LNX2: variants seen among roughly 807,000 people sequenced by gnomAD.
LNX2 encodes ligand of Numb protein X 2.
A neutral mutation model predicts 66.2 loss-of-function variants in LNX2; 35 were observed. The ratio of observed to expected loss-of-function variants is 0.53; its 90% CI spans 0.40 to 0.70. The LOEUF (loss-of-function observed/expected upper bound fraction) is 0.70, where lower values mean the gene tolerates loss of function less well. Ranked by LOEUF, LNX2 falls within the 30% of genes least tolerant of loss-of-function variation. The pLI is 0.00. For missense variants in LNX2, 791 were observed against 850.8 expected, an observed-to-expected ratio of 0.93 and a Z score of 0.87; for synonymous variants, 337 against 315.6, an observed-to-expected ratio of 1.07 and a Z score of -0.72.
At chr13:27,592,787 G>A (rs1053231117) in intron 1 of LNX2, among the ~76,000 whole-genome samples, 1 of 152,166 alleles carries the variant, frequency 6.6e-6, no homozygotes, top group Non-Finnish European at 1.5e-5. Context: ...AGAGAAAGCA[G>A]ATAAAGAAAA....
At chr13:27,583,336 C>T (rs531603226) in intron 1 of LNX2, among the ~76,000 whole-genome samples, 2 of 150,820 alleles carry the variant, frequency 1.3e-5, no homozygotes, top group African/African-American at 4.9e-5. Context: ...TGGCTCACTG[C>T]GACCTCTGCC....
At chr13:27,594,513 G>C (rs1232924034) in intron 1 of LNX2, among the ~76,000 whole-genome samples, 1 of 151,898 alleles carries the variant, frequency 6.6e-6, no homozygotes, top group Non-Finnish European at 1.5e-5. Context: ...ATAAAGATTT[G>C]CCTCTATTTT....
At chr13:27,552,133 A>G (rs1566114151) in intron 8 of LNX2, among the ~76,000 whole-genome samples, 1 of 152,256 alleles carries the variant, frequency 6.6e-6, no homozygotes. Flanking sequence ...CTGGCACACC[A>G]GAAAATGCTC....
Position 27,581,707 on chromosome 13 carries a change from G to C in LNX2, c.-4C>G, listed in dbSNP as rs371220327. ...TCTCATCACTTGTTGTTCCCATTTT[G>C]AATCAATTCTGTATCCTCATGTGTT... On this transcript the variant is annotated 5_prime_UTR_variant, in exon 2 of 10. Transcript: ENST00000316334. The C allele has an allele frequency of 1.9e-6, 3 of 1,590,566 alleles. No homozygotes were observed. The East Asian group carries it at 6.7e-5, about 36-fold the overall frequency.
At chr13:27,596,292 TAA>T (rs1269633328) in intron 1 of LNX2, among the ~76,000 whole-genome samples, 1 of 152,122 alleles carries the variant, frequency 6.6e-6, no homozygotes, top group Non-Finnish European at 1.5e-5. Context: ...ATAAAAACTA[TAA>T]AAAGTTAAAA....
In LNX2 at chr13:27,556,300, C is replaced by T; in HGVS notation, c.1482G>A (p.Leu494=). 2 of 1,613,966 alleles carry T rather than the reference C, an allele frequency of 1.2e-6. No individual in the cohort carries two copies. Among genetic ancestry groups the T allele is most frequent in the African/African-American group, 1.3e-5 (1 of 75,010 alleles). Residue 494 remains leucine, a synonymous_variant, in exon 7 of 10, where the codon CTG becomes CTA. Coordinates refer to ENST00000316334, the MANE Select transcript of LNX2 (RefSeq NM_153371.4). ...AGGRGSKSGE[L]PIFVTSVPPH... ...GTGGCACACTGGTCACAAAGATGGG[C>T]AGCTCACCACTCTTACTTCCCCTGC...
intron 1 of LNX2, among the ~76,000 whole-genome samples, chr13:27,587,706 C>T (rs1319018669): frequency 6.6e-6 from 1 of 152,198 alleles, no homozygotes; most frequent in Non-Finnish European, 1.5e-5. Context: ...CACATATCAG[C>T]TTTGATAGCT....
At chr13:27,562,882 A>G (rs1955154894) in intron 4 of LNX2, 101 bp from the exon 5 acceptor site, 26 of 1,209,484 alleles carry the variant, frequency 2.1e-5, no homozygotes, top group Non-Finnish European at 2.3e-5. Flanking sequence ...GTATTGTGAG[A>G]GTGCTAAGTA....
At chr13:27,606,307 C>T (rs549347309) in intron 1 of LNX2, among the ~76,000 whole-genome samples, 24 of 150,568 alleles carry the variant, frequency 1.6e-4, no homozygotes, top group Non-Finnish European at 3.2e-4. Context: ...CATGAAGATG[C>T]CCAGATTAAT....
chr13:27,573,224 TG>T, intron 2 of LNX2, among the ~76,000 whole-genome samples: 1 of 152,274 alleles, frequency 6.6e-6, no homozygotes, highest in African/African-American at 2.4e-5. Flanking sequence ...TGGCAGACAC[TG>T]GAAGAGCAGA....
intron 1 of LNX2, among the ~76,000 whole-genome samples, chr13:27,611,974 G>T (rs1356365942): frequency 6.6e-6 from 1 of 152,200 alleles, no homozygotes; most frequent in Non-Finnish European, 1.5e-5. Context: ...ACATAGAAAA[G>T]AAGGGAGTTA....
rs1212537692 is a variant in LNX2 at position 27,583,230 on chromosome 13, G to GCGCGCGCGTCCTCTCCTATATAAC, written c.-100-1428_-100-1427insGTTATATAGGAGAGGACGCGCGCG. Among the ~76,000 whole-genome samples the GCGCGCGCGTCCTCTCCTATATAAC allele has an allele frequency of 4.6e-3, 111 of 24,086 alleles. 19 individuals are homozygous for GCGCGCGCGTCCTCTCCTATATAAC. Among genetic ancestry groups the GCGCGCGCGTCCTCTCCTATATAAC allele is most frequent in the African/African-American group, 0.013 (53 of 4,004 alleles). The allele number at this position is 24,086 out of a possible 152,430, so 15.8% of individuals were successfully genotyped here. ...TGTGTGTGTGTGTGTGTGTGTGTGTGTGTGTGTGTGTGTGTGTGTGTGTGT... is the reference window on the plus strand; with the variant it reads ...TGTGTGTGTGTGTGTGTGTGTGTGTGCGCGCGCGTCCTCTCCTATATAACTGTGTGTGTGTGTGTGTGTGTGTGT... On this transcript the variant is annotated intron_variant, in intron 1 of 9. Transcript: ENST00000316334.
intron 2 of LNX2, among the ~76,000 whole-genome samples, chr13:27,578,401 C>T (rs976093775): frequency 1.3e-5 from 2 of 152,124 alleles, no homozygotes; most frequent in Non-Finnish European, 2.9e-5. Context: ...ACCGAGAAGC[C>T]GCAAACAGTC....
At chr13:27,606,832 A>C (rs1955722303) in intron 1 of LNX2, among the ~76,000 whole-genome samples, 1 of 152,196 alleles carries the variant, frequency 6.6e-6, no homozygotes, top group Non-Finnish European at 1.5e-5. Context: ...AAAAAGAAAT[A>C]AAGCAGAAAT....
At chr13:27,599,607 A>G (rs1018738789) in intron 1 of LNX2, among the ~76,000 whole-genome samples, 2 of 152,236 alleles carry the variant, frequency 1.3e-5, no homozygotes, top group Non-Finnish European at 2.9e-5. Context: ...ATATTTACAA[A>G]GCTATAATTA....
chr13:27,548,492 C>T, intron 9 of LNX2, 22 bp from the exon 10 acceptor site: 1 of 1,595,822 alleles, frequency 6.3e-7, no homozygotes. Context: ...GAGACAGATA[C>T]AGAATGTTAC....
intron 6 of LNX2, 104 bp downstream of exon 6, chr13:27,559,738 T>C: frequency 8.8e-7 from 1 of 1,139,178 alleles, no homozygotes; most frequent in Non-Finnish European, 1.2e-6. Flanking sequence ...AAAAAACTGC[T>C]TTATTGAGGT....
rs148374926 is a variant in LNX2, at chr13:27,571,920, C to G, written c.408-2644G>C. ...TATACATTATTTCATTAAATCCTCA[C>G]AATTACTCTGTTATCCCCATTTAAA... On this transcript the variant is annotated intron_variant, in intron 2 of 9. Coordinates refer to ENST00000316334, the MANE Select transcript of LNX2 (RefSeq NM_153371.4). 1.5e-4 allele frequency among the ~76,000 whole-genome samples: 23 copies of G among 152,294 alleles called. No individual in the cohort carries two copies. The East Asian group carries it at 4.4e-3, about 29-fold the overall frequency.
chr13:27,564,959 C>T (rs1955187080), intron 4 of LNX2, among the ~76,000 whole-genome samples: 1 of 152,082 alleles, frequency 6.6e-6, no homozygotes, highest in Admixed American at 6.6e-5. Context: ...AAGTCAGGGC[C>T]TATAATAGGA....
Sources: gnomAD v4.1 joint callset for allele counts (sites outside exome capture counted in the v4.1 genomes callset) on GRCh38, gnomAD v4.1.1 for gene constraint, MANE v1.5 for transcripts, NCBI Gene and HGNC (gene_info 2026-07-23, HGNC 2026-07-21) for gene names.